Variants in SERGEF observed in about 807,000 individuals in gnomAD.
SERGEF encodes secretion-regulating guanine nucleotide exchange factor.
SERGEF carries 51 observed loss-of-function variants against 50.0 expected under a neutral mutation model. The ratio of observed to expected loss-of-function variants is 1.02; its 90% CI spans 0.81 to 1.29. The LOEUF is 1.29. Ranked by LOEUF, SERGEF falls within the 50% of genes most tolerant of loss-of-function variation. The pLI is 0.00. For synonymous variants in SERGEF, 205 were observed against 212.4 expected, an observed-to-expected ratio of 0.97 and a Z score of 0.30; for missense variants, 521 against 557.0, an observed-to-expected ratio of 0.94 and a Z score of 0.65.
chr11:17,816,386 G>T (rs1289523359), intron 10 of SERGEF, among the ~76,000 whole-genome samples: 1 of 152,182 alleles, frequency 6.6e-6, no homozygotes, highest in Non-Finnish European at 1.5e-5. Flanking sequence ...CTATAAGCAA[G>T]CAGGGCTGCC....
In SERGEF at chr11:18,005,970, C is replaced by T. The variant is rs546523816; in HGVS notation, c.352+621G>A. On this transcript the variant is annotated intron_variant, in intron 3 of 10. Transcript: ENST00000265965. Reference sequence around the variant, plus strand: ...CCACTGCTGGCCACTGGCCAGCTACCCCAAGCACACAGCTATCATGAACTT... The same window carrying T: ...CCACTGCTGGCCACTGGCCAGCTACTCCAAGCACACAGCTATCATGAACTT... 5.9e-5 allele frequency among the ~76,000 whole-genome samples: 9 copies of T among 152,334 alleles called. No individual in the cohort carries two copies. The East Asian group carries it at 1.7e-3, about 29-fold the overall frequency.
intron 6 of SERGEF, among the ~76,000 whole-genome samples, chr11:17,995,477 T>C (rs1333111289): frequency 6.6e-6 from 1 of 152,192 alleles, no homozygotes; most frequent in East Asian, 1.9e-4. Flanking sequence ...AATTAGGGGT[T>C]TGAAGACAAT....
intron 10 of SERGEF, chr11:17,854,920 C>T (rs148833014): frequency 6.6e-6 from 1 of 152,084 alleles, no homozygotes; most frequent in Admixed American, 6.5e-5. Context: ...ATATATTATC[C>T]CGTCTAACTG....
intron 9 of SERGEF, among the ~76,000 whole-genome samples, chr11:17,910,510 T>G (rs1202694779): frequency 6.6e-6 from 1 of 152,202 alleles, no homozygotes; most frequent in Non-Finnish European, 1.5e-5. Flanking sequence ...CGCTTTAGTC[T>G]CCTAAAGAGC....
intron 8 of SERGEF, among the ~76,000 whole-genome samples, chr11:17,985,723 A>G (rs1853581147): frequency 6.6e-6 from 1 of 152,280 alleles, no homozygotes; most frequent in African/African-American, 2.4e-5. Flanking sequence ...CAGGCATCAG[A>G]CAGACTCCTG....
intron 8 of SERGEF, among the ~76,000 whole-genome samples, chr11:17,987,277 T>C (rs1853620800): frequency 6.6e-6 from 1 of 151,922 alleles, no homozygotes; most frequent in Non-Finnish European, 1.5e-5. Flanking sequence ...CTATAAAGAG[T>C]TTGATGCAGG....
chr11:17,942,284 C>T (rs1852576617), intron 9 of SERGEF, among the ~76,000 whole-genome samples: 2 of 152,040 alleles, frequency 1.3e-5, no homozygotes, highest in South Asian at 4.1e-4. Flanking sequence ...TTAACTTCTC[C>T]CAGCAGTGTT....
At chr11:17,882,428 A>G (rs1851351736) in intron 9 of SERGEF, among the ~76,000 whole-genome samples, 1 of 151,208 alleles carries the variant, frequency 6.6e-6, no homozygotes, top group African/African-American at 2.4e-5. Flanking sequence ...CAAAAAAAAA[A>G]AAAAAAAAGA....
At position 17,917,709 on chromosome 11, in the gene SERGEF, G is replaced by A. The variant is rs1043262961; in HGVS notation, c.1012-39465C>T. On this transcript the variant is annotated intron_variant, in intron 9 of 10. Transcript: ENST00000265965. ...GTGATTCAGAAACAGGCTATAGTTCGAGAACCATCACCCAAACATCTTGCA... is the reference window on the plus strand; with the variant it reads ...GTGATTCAGAAACAGGCTATAGTTCAAGAACCATCACCCAAACATCTTGCA... Among the ~76,000 whole-genome samples, 7 of 152,138 alleles carry A rather than the reference G, an allele frequency of 4.6e-5. No individual in the cohort carries two copies. The East Asian group carries it at 5.8e-4, about 13-fold the overall frequency.
Position 17,988,677 on chromosome 11 carries a change from T to C in SERGEF, c.764A>G (p.Gln255Arg). ...CTGGAAACAATGTGCTTCTATTTTC[T>C]GGGGCACAGGAAGGAAAGCAGCCTC... Reference protein sequence around the residue: ...ANEAAFLPVPQKIEAHCFQNE... With the variant: ...ANEAAFLPVPRKIEAHCFQNE... The change falls in exon 8 of 11, where the codon CAG (glutamine) becomes CGG (arginine). Residue 255 changes from glutamine (Q) to arginine (R), a missense_variant. Physicochemically the swap from Gln to Arg is conservative, Grantham distance 43. Coordinates refer to ENST00000265965, the MANE Select transcript of SERGEF (RefSeq NM_012139.4). 6.2e-7 allele frequency: 1 copy of C among 1,614,156 alleles called. No individual in the cohort carries two copies. The highest frequency in any genetic ancestry group is 2.2e-5 in the East Asian group (1 of 44,882).
intron 8 of SERGEF, among the ~76,000 whole-genome samples, chr11:17,984,544 C>T (rs1039773180): frequency 6.6e-6 from 1 of 152,212 alleles, no homozygotes; most frequent in South Asian, 2.1e-4. Flanking sequence ...CTGGGGATTA[C>T]ATTTCAACAT....
intron 10 of SERGEF, among the ~76,000 whole-genome samples, chr11:17,807,164 A>G (rs760263709): frequency 2.6e-5 from 4 of 152,194 alleles, no homozygotes; most frequent in Non-Finnish European, 5.9e-5. Context: ...TTCCTTCTCC[A>G]TCTGAATCTG....
At chr11:17,908,070 T>C (rs1851883745) in intron 9 of SERGEF, among the ~76,000 whole-genome samples, 1 of 152,236 alleles carries the variant, frequency 6.6e-6, no homozygotes, top group African/African-American at 2.4e-5. Flanking sequence ...CACAGTTTTC[T>C]GACTTGCCTC....
chr11:17,883,948 C>T (rs1354078271), intron 9 of SERGEF, among the ~76,000 whole-genome samples: 2 of 152,118 alleles, frequency 1.3e-5, no homozygotes, highest in Admixed American at 6.5e-5. Context: ...ACGGGGAAAT[C>T]GGGGCGCGGA....
At chr11:17,864,672 A>G (rs1321534552) in intron 10 of SERGEF, among the ~76,000 whole-genome samples, 1 of 152,214 alleles carries the variant, frequency 6.6e-6, no homozygotes, top group Non-Finnish European at 1.5e-5. Context: ...GATCTGGGAC[A>G]GAGCACTGGT....
At chr11:17,842,385 C>A (rs1850520291) in intron 10 of SERGEF, among the ~76,000 whole-genome samples, 1 of 152,142 alleles carries the variant, frequency 6.6e-6, no homozygotes, top group South Asian at 2.1e-4. Flanking sequence ...TACAGTGAAA[C>A]ACCTTCTATA....
At chr11:17,984,239 T>G (rs1853550849) in intron 8 of SERGEF, among the ~76,000 whole-genome samples, 1 of 152,170 alleles carries the variant, frequency 6.6e-6, no homozygotes, top group African/African-American at 2.4e-5. Flanking sequence ...GAGAAGAGGT[T>G]TAATTGGCTT....
At chr11:17,896,074 C>T (rs1226529004) in intron 9 of SERGEF, among the ~76,000 whole-genome samples, 1 of 151,986 alleles carries the variant, frequency 6.6e-6, no homozygotes, top group Admixed American at 6.6e-5. Flanking sequence ...TAATTATTTC[C>T]TTGGGATAAG....
Position 18,006,666 on chromosome 11 carries a change from TA to T in SERGEF, c.276del (p.Phe92LeufsTer42). 3 of 1,613,946 alleles carry T rather than the reference TA, an allele frequency of 1.9e-6. No homozygotes were observed. On this transcript the variant is annotated frameshift_variant, in exon 3 of 11. Transcript: ENST00000265965. LOFTEE classifies it high-confidence loss of function. Reference protein sequence around the residue: ...GLGHTEDIPYFTPCKSLFGCP... With the variant: ...GLGHTEDIPYXTPCKSLFGCP... ...CAGCCAAAGAGGGATTTGCAGGGGG[TA>T]AAATATGGGATATCCTCTGTGTGAC...
Sources: allele counts gnomAD v4.1 joint callset (sites outside exome capture counted in the v4.1 genomes callset), GRCh38; gene constraint gnomAD v4.1.1; transcripts MANE v1.5; gene names NCBI Gene and HGNC (gene_info 2026-07-23, HGNC 2026-07-21).